MYO1E: variants seen among roughly 807,000 people sequenced by gnomAD.
The protein encoded by MYO1E is myosin IE.
MYO1E carries 68 observed loss-of-function variants against 151.1 expected under a neutral mutation model. The observed-to-expected ratio is 0.45, with a 90% CI of 0.37 to 0.55. The LOEUF (loss-of-function observed/expected upper bound fraction) is 0.55, where lower values mean the gene tolerates loss of function less well. Ranked by LOEUF, MYO1E falls within the 20% of genes least tolerant of loss-of-function variation. The pLI, the probability that MYO1E is intolerant of heterozygous loss-of-function variation, is 0.00. For missense variants in MYO1E, 1,363 were observed against 1,389.3 expected, an observed-to-expected ratio of 0.98 and a Z score of 0.30; for synonymous variants, 601 against 501.7, an observed-to-expected ratio of 1.20 and a Z score of -2.64.
intron 14 of MYO1E, among the ~76,000 whole-genome samples, chr15:59,206,351 C>T (rs2079833706): frequency 6.6e-6 from 1 of 152,194 alleles, no homozygotes; most frequent in African/African-American, 2.4e-5. Context: ...GACTCCCAGC[C>T]GGCCCCTACC....
intron 1 of MYO1E, among the ~76,000 whole-genome samples, chr15:59,337,379 T>C (rs1188638552): frequency 6.6e-6 from 1 of 152,208 alleles, no homozygotes; most frequent in Non-Finnish European, 1.5e-5. Context: ...CTGCTGAGCT[T>C]GATTGTGATT....
At chr15:59,326,712 T>A (rs1479647469) in intron 1 of MYO1E, among the ~76,000 whole-genome samples, 1 of 152,238 alleles carries the variant, frequency 6.6e-6, no homozygotes, top group African/African-American at 2.4e-5. Context: ...TGAACCTTGC[T>A]TTTGTGTTAA....
intron 4 of MYO1E, among the ~76,000 whole-genome samples, chr15:59,239,388 G>C (rs575990838): frequency 1.3e-5 from 2 of 151,310 alleles, no homozygotes; most frequent in East Asian, 3.9e-4. Context: ...TTTTCCTTAA[G>C]TTTACACTGT....
intron 4 of MYO1E, among the ~76,000 whole-genome samples, chr15:59,237,014 GA>G (rs1205037114): frequency 6.6e-6 from 1 of 152,080 alleles, no homozygotes; most frequent in Admixed American, 6.5e-5. Flanking sequence ...CAACTGACAT[GA>G]AGACTGTAAA....
At chr15:59,346,491 A>G (rs1470775370) in intron 1 of MYO1E, among the ~76,000 whole-genome samples, 1 of 152,200 alleles carries the variant, frequency 6.6e-6, no homozygotes, top group Non-Finnish European at 1.5e-5. Flanking sequence ...GATTCTTGTA[A>G]TTCTGTGGGT....
rs142762978 is a variant in MYO1E, at chr15:59,199,875, C to A, written c.1698+2451G>T. On this transcript the variant is annotated intron_variant, in intron 16 of 27. Transcript: ENST00000288235. Reference sequence around the variant, plus strand: ...CAGCGATTGGGCCATGGCTATGTATCTGTAAGAGGTACTGGGAGAGACTTT... The same window carrying A: ...CAGCGATTGGGCCATGGCTATGTATATGTAAGAGGTACTGGGAGAGACTTT... Among the ~76,000 whole-genome samples, 582 of 152,278 alleles carry A rather than the reference C, an allele frequency of 3.8e-3. 3 individuals are homozygous for A. Among genetic ancestry groups the A allele is most frequent in the African/African-American group, 0.013 (557 of 41,552 alleles).
At chr15:59,213,416 C>T (rs986093741) in intron 12 of MYO1E, among the ~76,000 whole-genome samples, 14 of 151,956 alleles carry the variant, frequency 9.2e-5, no homozygotes, top group African/African-American at 3.4e-4. Flanking sequence ...AGTGATCTGC[C>T]CGTCTCGGCC....
chr15:59,296,801 C>T (rs1410441533), intron 1 of MYO1E, among the ~76,000 whole-genome samples: 3 of 150,652 alleles, frequency 2.0e-5, no homozygotes, highest in African/African-American at 7.3e-5. Context: ...TTCAATACAA[C>T]AGTTACACAA....
chr15:59,346,834 T>C (rs2080796692), intron 1 of MYO1E, among the ~76,000 whole-genome samples: 1 of 151,932 alleles, frequency 6.6e-6, no homozygotes, highest in Non-Finnish European at 1.5e-5. Context: ...GGAGGATTGA[T>C]TGATCCCAGG....
intron 17 of MYO1E, among the ~76,000 whole-genome samples, chr15:59,194,782 A>G (rs969245750): frequency 2.0e-5 from 3 of 152,140 alleles, no homozygotes; most frequent in Non-Finnish European, 4.4e-5. Flanking sequence ...CACCACCTTA[A>G]CAGGCTCCTC....
rs751983038 is a variant in MYO1E, at chr15:59,205,441, C to G, written c.1575G>C (p.Val525=). The G allele has an allele frequency of 1.3e-5, 21 of 1,614,054 alleles. No individual in the cohort carries two copies. The highest frequency in any genetic ancestry group is 1.5e-5 in the Non-Finnish European group (18 of 1,180,044). Residue 525 remains valine, a synonymous_variant, in exon 15 of 28, where the codon GTG becomes GTC. Transcript: ENST00000288235. ...TAAGCTCGATGAGATCCATAAAAAG[C>G]ACATCCCGGTTCCTTTCACAAAAGC... ...MDGFCERNRD[V]LFMDLIELMQ...
At chr15:59,290,107 C>G (rs1316935037) in intron 1 of MYO1E, among the ~76,000 whole-genome samples, 1 of 152,124 alleles carries the variant, frequency 6.6e-6, no homozygotes, top group East Asian at 1.9e-4. Flanking sequence ...GTACTGTGAT[C>G]CCCATTTAAC....
intron 1 of MYO1E, among the ~76,000 whole-genome samples, chr15:59,297,978 T>C (rs1225825063): frequency 6.6e-6 from 1 of 152,208 alleles, no homozygotes; most frequent in Non-Finnish European, 1.5e-5. Context: ...GATTCATCTT[T>C]CACATTTTTG....
At chr15:59,298,374 A>G (rs1205149607) in intron 1 of MYO1E, among the ~76,000 whole-genome samples, 1 of 152,210 alleles carries the variant, frequency 6.6e-6, no homozygotes, top group African/African-American at 2.4e-5. Context: ...AGGTTGCCCG[A>G]TAGCTGTGCC....
At chr15:59,234,267 T>C (rs1054397089) in intron 5 of MYO1E, among the ~76,000 whole-genome samples, 3 of 147,690 alleles carry the variant, frequency 2.0e-5, no homozygotes, top group Non-Finnish European at 2.9e-5. Context: ...GATGGGTGCA[T>C]GGATGGATGG....
At position 59,297,007 on chromosome 15, in the gene MYO1E, TCGCCCGGC is replaced by T. The variant is rs57599937; in HGVS notation, c.4-24566_4-24559del. Among the ~76,000 whole-genome samples, 429 of 45,170 alleles carry T rather than the reference TCGCCCGGC, an allele frequency of 9.5e-3. 20 individuals carry two copies. The highest frequency in any genetic ancestry group is 0.033 in the Middle Eastern group (2 of 60). The allele number at this position is 45,170 out of a possible 152,430, so 29.6% of individuals were successfully genotyped here. On this transcript the variant is annotated intron_variant, in intron 1 of 27. Transcript: ENST00000288235. ...GGCGCCCGCTACCACGCCCGGCTAA[TCGCCCGGC>T]TAATTTTTTGTGTTTTTTTGTAGAG...
At chr15:59,223,737 G>T (rs1354821944) in intron 8 of MYO1E, among the ~76,000 whole-genome samples, 1 of 152,138 alleles carries the variant, frequency 6.6e-6, no homozygotes, top group African/African-American at 2.4e-5. Context: ...TCCAATAAAA[G>T]CATCATTTAA....
At chr15:59,368,254 T>C (rs930500752) in intron 1 of MYO1E, among the ~76,000 whole-genome samples, 106 of 152,358 alleles carry the variant, frequency 7.0e-4, no homozygotes, top group African/African-American at 2.5e-3. Flanking sequence ...CCTCCTAGAA[T>C]GGCACATATA....
chr15:59,193,206 C>G (rs2079744842), intron 17 of MYO1E, among the ~76,000 whole-genome samples: 2 of 150,548 alleles, frequency 1.3e-5, no homozygotes, highest in African/African-American at 4.9e-5. Flanking sequence ...CGGGATGGAG[C>G]CCAGCAATCT....
Sources: allele counts gnomAD v4.1 joint callset (sites outside exome capture counted in the v4.1 genomes callset), GRCh38; gene constraint gnomAD v4.1.1; transcripts MANE v1.5; gene names NCBI Gene and HGNC (gene_info 2026-07-23, HGNC 2026-07-21).